ZCCHC7: variants seen among roughly 807,000 people sequenced by gnomAD.
ZCCHC7 encodes the protein zinc finger CCHC-type containing 7.
ZCCHC7 carries 35 observed loss-of-function variants against 52.0 expected under a neutral mutation model. The ratio of observed to expected loss-of-function variants is 0.67; its 90% confidence interval spans 0.51 to 0.89. ZCCHC7 has a LOEUF of 0.89. Among genes scored for constraint, ZCCHC7 ranks in the 40% least tolerant of loss-of-function variants. The probability of loss-of-function intolerance (pLI) is 0.00; values close to 1 mark genes in which losing one functional copy is unlikely to be tolerated. For synonymous variants in ZCCHC7, 217 were observed against 221.5 expected, an observed-to-expected ratio of 0.98 and a Z score of 0.18; for missense variants, 574 against 649.1, an observed-to-expected ratio of 0.88 and a Z score of 1.26.
intron 2 of ZCCHC7, among the ~76,000 whole-genome samples, chr9:37,280,968 G>A (rs1378224711): frequency 1.3e-5 from 2 of 152,190 alleles, no homozygotes; most frequent in Non-Finnish European, 1.5e-5. Flanking sequence ...AATACATATG[G>A]CAACTATATC....
At chr9:37,196,795 G>A (rs1280922663) in intron 2 of ZCCHC7, among the ~76,000 whole-genome samples, 5 of 151,616 alleles carry the variant, frequency 3.3e-5, no homozygotes, top group Admixed American at 6.6e-5. Flanking sequence ...TTTTAATGTC[G>A]TTTGAGGACA....
chr9:37,337,393 A>T (rs1463964012), intron 6 of ZCCHC7, among the ~76,000 whole-genome samples: 55 of 15,030 alleles, frequency 3.7e-3, no homozygotes, highest in Admixed American at 4.8e-3. Flanking sequence ...ACCCCACCCT[A>T]CCCACCCACC....
intron 2 of ZCCHC7, among the ~76,000 whole-genome samples, chr9:37,182,846 G>C (rs995536767): frequency 6.6e-6 from 1 of 152,164 alleles, no homozygotes; most frequent in Non-Finnish European, 1.5e-5. Flanking sequence ...TGTGAGCCTA[G>C]TGCTGGGCAC....
At chr9:37,129,180 G>A (rs1351345435) in intron 2 of ZCCHC7, among the ~76,000 whole-genome samples, 1 of 152,172 alleles carries the variant, frequency 6.6e-6, no homozygotes, top group Non-Finnish European at 1.5e-5. Flanking sequence ...AGAATCTACA[G>A]ACATGCTAAA....
chr9:37,175,885 ATAAAT>A (rs749493079), intron 2 of ZCCHC7, among the ~76,000 whole-genome samples: 14 of 152,358 alleles, frequency 9.2e-5, no homozygotes, highest in South Asian at 2.1e-4. Context: ...TTAAGATTAA[ATAAAT>A]TAAAATAATT....
intron 2 of ZCCHC7, among the ~76,000 whole-genome samples, chr9:37,171,999 T>A (rs1821756176): frequency 1.3e-5 from 2 of 152,178 alleles, no homozygotes; most frequent in African/African-American, 4.8e-5. Context: ...TCTATCAAAT[T>A]CATTAAATAA....
At chr9:37,159,619 T>A (rs1017920329) in intron 2 of ZCCHC7, among the ~76,000 whole-genome samples, 6 of 152,210 alleles carry the variant, frequency 3.9e-5, no homozygotes, top group South Asian at 2.1e-4. Context: ...GAAAATTGTT[T>A]TAATGTTTCA....
At chr9:37,304,005 C>T (rs1173044687) in intron 3 of ZCCHC7, among the ~76,000 whole-genome samples, 183 bp from the exon 4 acceptor site, 2 of 152,200 alleles carry the variant, frequency 1.3e-5, no homozygotes, top group Admixed American at 1.3e-4. Flanking sequence ...TAAAGTTCCC[C>T]TGTGGCTAGG....
chr9:37,179,043 A>G (rs1822208494), intron 2 of ZCCHC7, among the ~76,000 whole-genome samples: 1 of 152,150 alleles, frequency 6.6e-6, no homozygotes, highest in Admixed American at 6.5e-5. Context: ...CTCTGTCATT[A>G]TGTACTGTTT....
intron 5 of ZCCHC7, among the ~76,000 whole-genome samples, chr9:37,310,959 T>TAA (rs59663698): frequency 0.016 from 1,855 of 114,986 alleles, 40 homozygotes; most frequent in African/African-American, 0.048. Context: ...TCTCTCTTTT[T>TAA]AAAAAAAAAA....
chr9:37,335,142 A>T (rs1323820411), intron 6 of ZCCHC7, among the ~76,000 whole-genome samples: 2 of 152,146 alleles, frequency 1.3e-5, no homozygotes, highest in Non-Finnish European at 2.9e-5. Flanking sequence ...TCAGTTAGGA[A>T]AACTAAGTTT....
At chr9:37,339,950 A>C (rs956811093) in intron 6 of ZCCHC7, among the ~76,000 whole-genome samples, 3 of 152,274 alleles carry the variant, frequency 2.0e-5, no homozygotes, top group Middle Eastern at 3.4e-3. Flanking sequence ...GTTCATTTGC[A>C]TAAAAAATTA....
At chr9:37,222,069 A>AG (rs1824842606) in intron 2 of ZCCHC7, among the ~76,000 whole-genome samples, 1 of 152,156 alleles carries the variant, frequency 6.6e-6, no homozygotes. Context: ...CAGATGGAAG[A>AG]GCATACATTT....
At chr9:37,190,012 C>G (rs1403709064) in intron 2 of ZCCHC7, among the ~76,000 whole-genome samples, 1 of 152,152 alleles carries the variant, frequency 6.6e-6, no homozygotes, top group Non-Finnish European at 1.5e-5. Context: ...TTTTGGTTGC[C>G]TAATCCTCCC....
intron 2 of ZCCHC7, among the ~76,000 whole-genome samples, chr9:37,132,462 A>G (rs1212525697): frequency 1.3e-5 from 2 of 152,272 alleles, no homozygotes; most frequent in African/African-American, 2.4e-5. Flanking sequence ...TTTCCTATCT[A>G]TAACTCTGTG....
chr9:37,167,778 C>T (rs1179330781), intron 2 of ZCCHC7, among the ~76,000 whole-genome samples: 1 of 152,128 alleles, frequency 6.6e-6, no homozygotes, highest in Non-Finnish European at 1.5e-5. Flanking sequence ...CTAACTAATC[C>T]TACTACACAA....
At chr9:37,212,268 G>A (rs989496115) in intron 2 of ZCCHC7, among the ~76,000 whole-genome samples, 1 of 151,574 alleles carries the variant, frequency 6.6e-6, no homozygotes, top group African/African-American at 2.4e-5. Context: ...AATGTCAGTA[G>A]TACCAAGATT....
chr9:37,161,011 A>T (rs1164485390), intron 2 of ZCCHC7, among the ~76,000 whole-genome samples: 2 of 150,950 alleles, frequency 1.3e-5, no homozygotes, highest in East Asian at 4.0e-4. Context: ...GTACAGTGGC[A>T]CGATCTCAGC....
rs117466723 is a variant in ZCCHC7, at chr9:37,325,435, T to C, written c.952-2364T>C. The stretch of plus-strand genomic sequence containing the variant: ...TTAATTAGACCAAAGTTAGTTGTAA[T>C]AGTAGGCTTCTTGCTTTAGAAATTA... On this transcript the variant is annotated intron_variant, in intron 5 of 8. Transcript: ENST00000336755. Among the ~76,000 whole-genome samples, 9 of 152,336 alleles carry C rather than the reference T, an allele frequency of 5.9e-5. No homozygotes were observed. The East Asian group carries it at 1.7e-3, about 29-fold the overall frequency.
Sources: gnomAD v4.1 joint callset for allele counts (sites outside exome capture counted in the v4.1 genomes callset) on GRCh38, gnomAD v4.1.1 for gene constraint, MANE v1.5 for transcripts, NCBI Gene and HGNC (gene_info 2026-07-23, HGNC 2026-07-21) for gene names.